Variants in ANKRD44 observed in about 807,000 individuals in gnomAD.
ANKRD44 encodes serine/threonine-protein phosphatase 6 regulatory ankyrin repeat subunit B.
In ANKRD44, 35 loss-of-function variants were observed where a neutral mutation model predicts 116.0. The observed-to-expected ratio is 0.30, with a 90% CI of 0.23 to 0.40. ANKRD44 has a LOEUF of 0.40. Among genes scored for constraint, ANKRD44 ranks in the 10% least tolerant of loss-of-function variants. The pLI is 1.00. For missense variants in ANKRD44, 1,014 were observed against 1,242.6 expected (o/e 0.82, Z 2.77); for synonymous variants, 435 against 461.8 (o/e 0.94, Z 0.74).
intron 14 of ANKRD44, among the ~76,000 whole-genome samples, chr2:197,082,910 A>G (rs2077830627): frequency 6.6e-6 from 1 of 152,220 alleles, no homozygotes; most frequent in Non-Finnish European, 1.5e-5. Context: ...CTGAAAGGGC[A>G]TTCATACCCA....
intron 16 of ANKRD44, among the ~76,000 whole-genome samples, chr2:197,026,183 G>C (rs1164091474): frequency 6.6e-6 from 1 of 152,128 alleles, no homozygotes; most frequent in Non-Finnish European, 1.5e-5. Flanking sequence ...CTCAGTGAAT[G>C]ATTACCATGT....
chr2:197,043,794 G>A (rs1453575402), intron 16 of ANKRD44, among the ~76,000 whole-genome samples: 2 of 151,844 alleles, frequency 1.3e-5, no homozygotes. Context: ...GACACATACT[G>A]TATCATGGGT....
rs761945785 is a variant in ANKRD44 at position 196,988,387 on chromosome 2, CA to C, written c.*1203del. 1.6e-4 allele frequency: 161 copies of C among 985,190 alleles called. No homozygotes were observed. The highest frequency in any genetic ancestry group is 2.3e-4 in the South Asian group (5 of 21,288). The allele number at this position is 985,190 out of a possible 1,614,324, so 61.0% of individuals were successfully genotyped here. ...TTTTTAAAAATTCATCTTCTCTAAA[CA>C]AACGAAAAGGACAGAAGGTGGGAAG... On this transcript the variant is annotated 3_prime_UTR_variant, in exon 28 of 28. Coordinates refer to ENST00000282272, the MANE Select transcript of ANKRD44 (RefSeq NM_001195144.2).
At chr2:197,214,198 G>GA (rs1178003670) in intron 1 of ANKRD44, among the ~76,000 whole-genome samples, 1 of 151,562 alleles carries the variant, frequency 6.6e-6, no homozygotes, top group Non-Finnish European at 1.5e-5. Flanking sequence ...GGTTATTATA[G>GA]AAAAAAAACC....
intron 17 of ANKRD44, among the ~76,000 whole-genome samples, chr2:197,024,981 A>T (rs1023744030): frequency 6.6e-6 from 1 of 152,226 alleles, no homozygotes; most frequent in African/African-American, 2.4e-5. Flanking sequence ...ACTGAGGCTC[A>T]AGACAGGGTA....
chr2:196,989,568 A>G lies in ANKRD44; in HGVS notation c.*23T>C, dbSNP rs1574224610. 1 of 1,548,078 alleles carries G rather than the reference A, an allele frequency of 6.5e-7. No homozygotes were observed. The highest frequency in any genetic ancestry group is 8.7e-7 in the Non-Finnish European group (1 of 1,145,522). On this transcript the variant is annotated 3_prime_UTR_variant, in exon 28 of 28. Transcript: ENST00000282272. ...CGCACACATATATGTGTGCATGTGT[A>G]TGTGCATAATTTTTAAAGAGTCTCA... is the stretch of plus-strand genomic sequence containing the variant.
At chr2:197,084,904 C>T (rs755478936) in intron 13 of ANKRD44, among the ~76,000 whole-genome samples, 1 of 152,112 alleles carries the variant, frequency 6.6e-6, no homozygotes, top group Non-Finnish European at 1.5e-5. Flanking sequence ...ATGTATAAAT[C>T]ATTTAGTTTC....
chr2:197,003,211 T>C (rs1343444676), intron 21 of ANKRD44, among the ~76,000 whole-genome samples: 1 of 151,292 alleles, frequency 6.6e-6, no homozygotes, highest in Non-Finnish European at 1.5e-5. Context: ...CTCGGGAGGC[T>C]GAGGCAGGAG....
intron 1 of ANKRD44, among the ~76,000 whole-genome samples, chr2:197,308,045 G>A (rs1339119222): frequency 2.0e-5 from 3 of 151,922 alleles, no homozygotes; most frequent in African/African-American, 7.3e-5. Flanking sequence ...TGGCACACGC[G>A]CCCATAGTCC....
intron 24 of ANKRD44, 82 bp downstream of exon 24, chr2:196,998,825 T>C: frequency 1.3e-6 from 2 of 1,566,328 alleles, no homozygotes; most frequent in Non-Finnish European, 1.7e-6. Context: ...GTATATACTA[T>C]GAGAACAACT....
At chr2:197,307,296 T>C (rs999114483) in intron 1 of ANKRD44, among the ~76,000 whole-genome samples, 2 of 152,176 alleles carry the variant, frequency 1.3e-5, no homozygotes, top group Non-Finnish European at 2.9e-5. Context: ...TAGTTGAGGA[T>C]GTTCTATGTT....
chr2:197,136,417 C>A, intron 4 of ANKRD44, 175 bp downstream of exon 4: 1 of 633,918 alleles, frequency 1.6e-6, no homozygotes, highest in Non-Finnish European at 2.8e-6. Flanking sequence ...CAGCCCCACT[C>A]AGCACTATGT....
At position 196,989,458 on chromosome 2, in the gene ANKRD44, T is replaced by C; in HGVS notation, c.*133A>G. 7.8e-7 allele frequency: 1 copy of C among 1,279,578 alleles called. No individual in the cohort carries two copies. The highest frequency in any genetic ancestry group is 9.9e-7 in the Non-Finnish European group (1 of 1,010,216). The allele number at this position is 1,279,578 out of a possible 1,614,324, so 79.3% of individuals were successfully genotyped here. On this transcript the variant is annotated 3_prime_UTR_variant, in exon 28 of 28. Transcript: ENST00000282272. Reference sequence around the variant, plus strand: ...TTTTGAAGGAAAAAAATGTGTATCTTCCATTTTAGACTGAAGCATTTTGGT... The same window carrying C: ...TTTTGAAGGAAAAAAATGTGTATCTCCCATTTTAGACTGAAGCATTTTGGT...
chr2:197,116,621 CT>C lies in ANKRD44; in HGVS notation c.906+4710del, dbSNP rs573720636. The stretch of plus-strand genomic sequence containing the variant: ...CTAACTCCTTTTATCATCCCTTTCT[CT>C]GGCTCTTTCTCCTCCTCCTGTTCCT... On this transcript the variant is annotated intron_variant, in intron 8 of 27. Coordinates refer to ENST00000282272, the MANE Select transcript of ANKRD44 (RefSeq NM_001195144.2). Among the ~76,000 whole-genome samples the C allele has an allele frequency of 3.6e-3, 552 of 152,316 alleles. 2 individuals carry two copies. The highest frequency in any genetic ancestry group is 8.5e-3 in the South Asian group (41 of 4,828).
intron 2 of ANKRD44, among the ~76,000 whole-genome samples, chr2:197,181,621 T>C (rs1391034479): frequency 1.3e-5 from 2 of 152,176 alleles, no homozygotes; most frequent in African/African-American, 4.8e-5. Flanking sequence ...CATGAACCAT[T>C]AGCAATGTTG....
chr2:197,100,458 A>AAAAGAG (rs2078266950), intron 9 of ANKRD44, among the ~76,000 whole-genome samples: 3 of 152,210 alleles, frequency 2.0e-5, no homozygotes, highest in Admixed American at 2.0e-4. Context: ...AAGAAAAAGA[A>AAAAGAG]AAAGAAAAAT....
At chr2:197,139,802 T>C (rs898819193) in intron 3 of ANKRD44, among the ~76,000 whole-genome samples, 8 of 152,162 alleles carry the variant, frequency 5.3e-5, no homozygotes, top group African/African-American at 1.9e-4. Context: ...TTTGAAGTTT[T>C]ATGTTTCTTA....
chr2:197,246,350 C>CTTTTTT (rs67655796), intron 1 of ANKRD44, among the ~76,000 whole-genome samples: 17,109 of 65,378 alleles, frequency 0.26, 6,351 homozygotes, highest in African/African-American at 0.45. Flanking sequence ...CTACATCTGG[C>CTTTTTT]TTTTTTTTTT....
chr2:197,216,019 G>C (rs1230258088), intron 1 of ANKRD44, among the ~76,000 whole-genome samples: 1 of 152,190 alleles, frequency 6.6e-6, no homozygotes, highest in African/African-American at 2.4e-5. Context: ...AAAATTTAAA[G>C]TCAAACCAAT....
Sources: gnomAD v4.1 joint callset for allele counts (sites outside exome capture counted in the v4.1 genomes callset) on GRCh38, gnomAD v4.1.1 for gene constraint, MANE v1.5 for transcripts, NCBI Gene and HGNC (gene_info 2026-07-23, HGNC 2026-07-21) for gene names.